UBXN2A: variants seen among roughly 807,000 people sequenced by gnomAD.
UBXN2A encodes UBX domain-containing protein 2A.
In UBXN2A, 28 loss-of-function variants were observed where a neutral mutation model predicts 28.4. That is an observed-to-expected ratio of 0.99 (90% CI 0.73 to 1.35). The LOEUF (loss-of-function observed/expected upper bound fraction) is 1.35, where lower values mean the gene tolerates loss of function less well. Among genes scored for constraint, UBXN2A ranks in the 40% most tolerant of loss-of-function variants. The pLI, the probability that UBXN2A is intolerant of heterozygous loss-of-function variation, is 0.00. For missense variants in UBXN2A, 253 were observed against 297.9 expected (o/e 0.85, Z 1.11); for synonymous variants, 97 against 103.6 (o/e 0.94, Z 0.39).
At chr2:23,951,554 A>G (rs1470402284) in intron 1 of UBXN2A, among the ~76,000 whole-genome samples, 1 of 150,380 alleles carries the variant, frequency 6.6e-6, no homozygotes, top group Non-Finnish European at 1.5e-5. Flanking sequence ...TCTGCCTCCA[A>G]GGTTCAAGCG....
At chr2:23,974,100 C>T (rs1273066864) in intron 3 of UBXN2A, among the ~76,000 whole-genome samples, 21 of 146,454 alleles carry the variant, frequency 1.4e-4, no homozygotes, top group Admixed American at 3.4e-4. Flanking sequence ...CTGCAAGCTC[C>T]GCCTCCTGGG....
At chr2:23,977,217 C>A in intron 4 of UBXN2A, 142 bp downstream of exon 4, 1 of 555,574 alleles carries the variant, frequency 1.8e-6, no homozygotes, top group Non-Finnish European at 3.2e-6. Flanking sequence ...AAGAAAATTA[C>A]CAGCCAGCCC....
At chr2:23,973,860 G>A (rs2150873361) in intron 3 of UBXN2A, among the ~76,000 whole-genome samples, 1 of 152,062 alleles carries the variant, frequency 6.6e-6, no homozygotes, top group Middle Eastern at 3.4e-3. Context: ...TCAAACTCCT[G>A]ACCTGGTGAT....
chr2:24,004,770 T>C lies in UBXN2A; in HGVS notation c.*4903T>C, dbSNP rs557177494. 6.6e-6 allele frequency: 1 copy of C among 152,376 alleles called. No individual in the cohort carries two copies. The highest frequency in any genetic ancestry group is 2.4e-5 in the African/African-American group (1 of 41,590). 9.4% of individuals were successfully genotyped at this position (152,376 alleles called of 1,614,324 possible). A position where few individuals can be genotyped will look rare whatever the true frequency, so the allele number is the denominator to read the frequency against. On this transcript the variant is annotated 3_prime_UTR_variant, in exon 7 of 7. Coordinates refer to ENST00000309033, the MANE Select transcript of UBXN2A (RefSeq NM_181713.4). ...CTTATTTTATATACTTCTCTCGGTA[T>C]AATTTTTCATGACATTTCAGCATGT...
chr2:23,941,715 A>G (rs1000476066), intron 1 of UBXN2A, among the ~76,000 whole-genome samples: 6 of 152,246 alleles, frequency 3.9e-5, no homozygotes, highest in African/African-American at 1.4e-4. Context: ...CTAAGGATAC[A>G]ATAGTGACAA....
At chr2:23,952,995 T>C (rs2150822474) in intron 1 of UBXN2A, among the ~76,000 whole-genome samples, 1 of 151,798 alleles carries the variant, frequency 6.6e-6, no homozygotes, top group East Asian at 1.9e-4. Context: ...AAGTAATCTT[T>C]ATTGTGGTCA....
At chr2:23,942,402 A>G (rs573728125) in intron 1 of UBXN2A, among the ~76,000 whole-genome samples, 24 of 150,660 alleles carry the variant, frequency 1.6e-4, no homozygotes, top group Admixed American at 6.7e-5. Context: ...GGTTAGGGCC[A>G]AAGAGATGAT....
intron 1 of UBXN2A, among the ~76,000 whole-genome samples, chr2:23,931,394 C>T (rs910689446): frequency 6.6e-6 from 1 of 151,478 alleles, no homozygotes; most frequent in East Asian, 1.9e-4. Flanking sequence ...TGCAGTAAGC[C>T]AAGACCTCAC....
At chr2:23,938,617 G>A (rs1705609639), upstream of UBXN2A, among the ~76,000 whole-genome samples, 3 of 145,202 alleles carry the variant, frequency 2.1e-5, no homozygotes, top group Non-Finnish European at 3.0e-5. Context: ...AACTGCAAGC[G>A]ACAAAACAAT....
intron 2 of UBXN2A, among the ~76,000 whole-genome samples, chr2:23,962,128 G>A (rs1384314754): frequency 6.6e-6 from 1 of 152,156 alleles, no homozygotes; most frequent in South Asian, 2.1e-4. Context: ...TTACAGGCAT[G>A]AGCCACCGCG....
At chr2:23,966,375 T>TCCG (rs1038940888) in intron 2 of UBXN2A, among the ~76,000 whole-genome samples, 2 of 151,868 alleles carry the variant, frequency 1.3e-5, no homozygotes, top group African/African-American at 4.8e-5. Flanking sequence ...GACCTCGTGA[T>TCCG]CCGCCCACCT....
intron 4 of UBXN2A, among the ~76,000 whole-genome samples, chr2:23,979,841 G>C (rs1707824344): frequency 6.6e-6 from 1 of 151,752 alleles, no homozygotes; most frequent in Non-Finnish European, 1.5e-5. Flanking sequence ...AAATTGCAGG[G>C]ATTACCAGCG....
At chr2:23,998,573 A>G (rs1471600643) in intron 6 of UBXN2A, among the ~76,000 whole-genome samples, 2 of 152,128 alleles carry the variant, frequency 1.3e-5, no homozygotes, top group Admixed American at 1.3e-4. Context: ...TACAAAAACT[A>G]GCCGGATGTG....
chr2:23,934,571 C>T (rs886740249), intron 1 of UBXN2A, among the ~76,000 whole-genome samples: 4 of 152,184 alleles, frequency 2.6e-5, no homozygotes, highest in Admixed American at 2.0e-4. Flanking sequence ...CATCGTCCTT[C>T]TATGTGAATT....
intron 6 of UBXN2A, among the ~76,000 whole-genome samples, chr2:23,994,951 G>A (rs964727494): frequency 7.9e-5 from 12 of 152,144 alleles, no homozygotes; most frequent in Admixed American, 7.9e-4. Context: ...TGAAAACCTG[G>A]GTGTTTACCA....
chr2:23,992,455 C>T (rs990702317), intron 6 of UBXN2A, among the ~76,000 whole-genome samples: 3 of 152,178 alleles, frequency 2.0e-5, no homozygotes, highest in South Asian at 2.1e-4. Context: ...TCAGATTCTT[C>T]GTGGCATCTC....
intron 1 of UBXN2A, among the ~76,000 whole-genome samples, chr2:23,951,755 C>T (rs1344799980): frequency 2.0e-5 from 3 of 152,040 alleles, no homozygotes; most frequent in Non-Finnish European, 4.4e-5. Flanking sequence ...GTCACTGTAC[C>T]ATTTTATTTC....
intron 1 of UBXN2A, among the ~76,000 whole-genome samples, chr2:23,941,341 CTT>C (rs1705748129): frequency 6.6e-6 from 1 of 152,144 alleles, no homozygotes; most frequent in Admixed American, 6.5e-5. Context: ...AGGGGGGAAA[CTT>C]TAAAAGTTCA....
At chr2:23,975,138 G>C (rs1201554097) in intron 3 of UBXN2A, among the ~76,000 whole-genome samples, 1 of 152,104 alleles carries the variant, frequency 6.6e-6, no homozygotes, top group Non-Finnish European at 1.5e-5. Context: ...AAGAAAACCA[G>C]TATTTTCCAA....
Sources: gnomAD v4.1 joint callset for allele counts (sites outside exome capture counted in the v4.1 genomes callset) on GRCh38, gnomAD v4.1.1 for gene constraint, MANE v1.5 for transcripts, NCBI Gene and HGNC (gene_info 2026-07-23, HGNC 2026-07-21) for gene names.